ARHGAP29: variants seen among roughly 807,000 people sequenced by gnomAD.
ARHGAP29 encodes rho GTPase-activating protein 29.
Under a neutral mutation model 122.6 loss-of-function variants are expected in ARHGAP29, and 43 were observed. That is an observed-to-expected ratio of 0.35 (90% confidence interval 0.27 to 0.45). The LOEUF (loss-of-function observed/expected upper bound fraction) is 0.45. Ranked by LOEUF, ARHGAP29 falls within the 20% of genes least tolerant of loss-of-function variation. The pLI, the probability that ARHGAP29 is intolerant of heterozygous loss-of-function variation, is 1.00. For missense variants in ARHGAP29, 1,303 were observed against 1,477.2 expected (o/e 0.88, Z 1.93); for synonymous variants, 506 against 497.1 (o/e 1.02, Z -0.24).
chr1:94,222,658 G>C (rs1652371674), intron 2 of ARHGAP29, among the ~76,000 whole-genome samples: 1 of 152,058 alleles, frequency 6.6e-6, no homozygotes, highest in South Asian at 2.1e-4. Context: ...TAGGATCCTG[G>C]AAAATAATAA....
In ARHGAP29 at chr1:94,271,414, A is replaced by G. The variant is rs146249669; in HGVS notation, c.-33+3598T>C. On this transcript the variant is annotated intron_variant and NMD_transcript_variant, in intron 1 of 25. Coordinates refer to the ARHGAP29 transcript ENST00000552844. ...CAAGGGTAGGGGATTACATAAGGAC[A>G]CCAATACTAGTAAGAGAAGATTATT... 1.1e-3 allele frequency among the ~76,000 whole-genome samples: 163 copies of G among 152,362 alleles called. 1 individual carries two copies. The highest frequency in any genetic ancestry group is 3.8e-3 in the African/African-American group (160 of 41,586).
intron 1 of ARHGAP29, among the ~76,000 whole-genome samples, chr1:94,265,223 C>T (rs1654715260): frequency 6.6e-6 from 1 of 152,152 alleles, no homozygotes; most frequent in South Asian, 2.1e-4. Context: ...ACCTCTGGCC[C>T]ACCATATGAT....
chr1:94,270,896 T>C (rs983990154), intron 1 of ARHGAP29, among the ~76,000 whole-genome samples: 7 of 152,236 alleles, frequency 4.6e-5, no homozygotes, highest in African/African-American at 1.7e-4. Context: ...TATATATTAG[T>C]CATCTATTGC....
In ARHGAP29 at chr1:94,201,756, C is replaced by T. The variant is rs976229564; in HGVS notation, c.1245G>A (p.Arg415=). ...TAAGATCACACTGGAAAACAAGTGT[C>T]CGGAGTTGTGCTAAAATTTCTCTTT... is the stretch of plus-strand genomic sequence containing the variant. ...NTKREILAQL[R]TLVFQCDLTL... The change falls in exon 12 of 23, where the codon CGG becomes CGA. Residue 415 remains arginine (R), a synonymous_variant. Transcript: ENST00000260526. The T allele has an allele frequency of 1.2e-6, 2 of 1,613,784 alleles. No homozygotes were observed. The highest frequency in any genetic ancestry group is 1.3e-5 in the African/African-American group (1 of 74,862).
At chr1:94,245,581 G>C (rs1653766284) in intron 1 of ARHGAP29, among the ~76,000 whole-genome samples, 1 of 152,072 alleles carries the variant, frequency 6.6e-6, no homozygotes, top group Middle Eastern at 3.2e-3. Context: ...GGTGGTGTAG[G>C]TGTGGGGGAA....
chr1:94,298,283 T>C, the ARHGAP29 span, among the ~76,000 whole-genome samples: 2 of 152,234 alleles, frequency 1.3e-5, no homozygotes. Flanking sequence ...TTTTTTCTAT[T>C]ACAATATTGT....
the ARHGAP29 span, chr1:94,302,953 C>T: frequency 1.2e-4 from 21 of 175,820 alleles, no homozygotes; most frequent in Admixed American, 9.6e-4. Context: ...GGCTCGTTTC[C>T]GGGTATGACA....
chr1:94,284,296 G>C, the ARHGAP29 span, among the ~76,000 whole-genome samples: 1 of 152,158 alleles, frequency 6.6e-6, no homozygotes, highest in Non-Finnish European at 1.5e-5. Context: ...ACAATTTCCT[G>C]ACAGATTACA....
intron 1 of ARHGAP29, among the ~76,000 whole-genome samples, chr1:94,232,103 C>T (rs559699396): frequency 2.5e-4 from 38 of 152,204 alleles, no homozygotes; most frequent in Non-Finnish European, 4.0e-4. Flanking sequence ...CCTTCCATGA[C>T]ATCACCTTCA....
chr1:94,253,636 A>ACATG (rs145800692), intron 1 of ARHGAP29, among the ~76,000 whole-genome samples: 1 of 149,232 alleles, frequency 6.7e-6, no homozygotes, highest in African/African-American at 2.5e-5. Flanking sequence ...TCTGGAACAC[A>ACATG]CACGCACGCA....
At chr1:94,287,060 G>GC in the ARHGAP29 span, among the ~76,000 whole-genome samples, 1 of 152,152 alleles carries the variant, frequency 6.6e-6, no homozygotes, top group Admixed American at 6.5e-5. Context: ...CAAGTCCAGG[G>GC]CTCTGGAACT....
chr1:94,196,454 G>C (rs577515136), intron 12 of ARHGAP29, among the ~76,000 whole-genome samples: 127 of 151,076 alleles, frequency 8.4e-4, no homozygotes, highest in Non-Finnish European at 1.4e-3. Flanking sequence ...GTAGAGACGG[G>C]GTTTCACCTT....
chr1:94,207,630 A>G (rs1651288904), intron 5 of ARHGAP29, among the ~76,000 whole-genome samples: 2 of 152,196 alleles, frequency 1.3e-5, no homozygotes, highest in African/African-American at 2.4e-5. Flanking sequence ...CATGAATAAT[A>G]GCAAAATATT....
chr1:94,207,952 CCT>C (rs940210913), intron 5 of ARHGAP29, among the ~76,000 whole-genome samples: 7 of 151,948 alleles, frequency 4.6e-5, no homozygotes, highest in African/African-American at 1.7e-4. Flanking sequence ...GTGAATCCCC[CCT>C]CTCAGCTTCC....
chr1:94,193,779 T>C (rs1650272504), intron 12 of ARHGAP29: 1 of 152,202 alleles, frequency 6.6e-6, no homozygotes, highest in Non-Finnish European at 1.5e-5. Flanking sequence ...AGACCTGCTA[T>C]AAAATAGTGG....
intron 3 of ARHGAP29, among the ~76,000 whole-genome samples, chr1:94,215,010 C>G (rs950002487): frequency 9.3e-5 from 14 of 150,408 alleles, no homozygotes; most frequent in Non-Finnish European, 1.6e-4. Flanking sequence ...TTTAAAAATG[C>G]TGGTCACAAT....
At chr1:94,195,151 T>G (rs1257457585) in intron 12 of ARHGAP29, 1 of 152,328 alleles carries the variant, frequency 6.6e-6, no homozygotes, top group East Asian at 1.9e-4. Context: ...ACTGTAGTCA[T>G]TAGAACGAGA....
intron 19 of ARHGAP29, among the ~76,000 whole-genome samples, chr1:94,181,520 T>C (rs1246699619): frequency 1.3e-5 from 2 of 152,114 alleles, no homozygotes; most frequent in African/African-American, 2.4e-5. Context: ...TACCACACTC[T>C]AGGCAAGGAA....
chr1:94,238,903 C>A (rs566287577), upstream of ARHGAP29, among the ~76,000 whole-genome samples: 1 of 152,096 alleles, frequency 6.6e-6, no homozygotes, highest in Non-Finnish European at 1.5e-5. Context: ...TGAACCCTTA[C>A]AGGAAAAACA....
Sources: allele counts gnomAD v4.1 joint callset (sites outside exome capture counted in the v4.1 genomes callset), GRCh38; gene constraint gnomAD v4.1.1; transcripts MANE v1.5; gene names NCBI Gene and HGNC (gene_info 2026-07-23, HGNC 2026-07-21).